The following LGR4 variants were observed in gnomAD, a reference collection of about 807,000 sequenced individuals.
LGR4 encodes leucine-rich repeat-containing G protein-coupled receptor 4.
In LGR4, 44 loss-of-function variants were observed where a neutral mutation model predicts 84.8. The observed-to-expected ratio is 0.52, with a 90% confidence interval of 0.41 to 0.67. LGR4 has a LOEUF of 0.67. LGR4 is among the 30% of genes least tolerant of loss of function. The pLI, the probability that LGR4 is intolerant of heterozygous loss-of-function variation, is 0.00. For missense variants in LGR4, 1,032 were observed against 1,131.4 expected (o/e 0.91, Z 1.26); for synonymous variants, 429 against 434.3 (o/e 0.99, Z 0.15).
intron 2 of LGR4, among the ~76,000 whole-genome samples, chr11:27,402,866 A>G (rs141421689): frequency 6.6e-6 from 1 of 152,148 alleles, no homozygotes; most frequent in East Asian, 1.9e-4. Flanking sequence ...GTACACAGTC[A>G]TCTAGTGATC....
intron 1 of LGR4, among the ~76,000 whole-genome samples, chr11:27,441,446 T>G (rs1864302171): frequency 6.6e-6 from 1 of 151,646 alleles, no homozygotes; most frequent in African/African-American, 2.4e-5. Context: ...TAAATAAGAT[T>G]GATTTCATCA....
chr11:27,407,919 G>C (rs1309185632), intron 2 of LGR4, among the ~76,000 whole-genome samples: 1 of 152,126 alleles, frequency 6.6e-6, no homozygotes, highest in Non-Finnish European at 1.5e-5. Context: ...GAAAGAAAGA[G>C]AGAGAGAAAG....
At position 27,368,024 on chromosome 11, in the gene LGR4, C is replaced by T; in HGVS notation, c.2699G>A (p.Gly900Asp). 1 of 1,380,868 alleles carries T rather than the reference C, an allele frequency of 7.2e-7. No individual in the cohort carries two copies. Among genetic ancestry groups the T allele is most frequent in the South Asian group, 1.1e-5 (1 of 87,224 alleles). The allele number at this position is 1,380,868 out of a possible 1,614,324, so 85.5% of individuals were successfully genotyped here. A position where few individuals can be genotyped will look rare whatever the true frequency, so the allele number is the denominator to read the frequency against. Residue 900 changes from glycine to aspartate, a missense_variant, in exon 18 of 18, where the codon GGC (glycine) becomes GAC (aspartate). Transcript: ENST00000379214. ...ATAATCAGAGTGGGCCGACTGTGTG[C>T]CACAGTCGGACCAGTAGCCCTCAGG... ...QRPEGYWSDC[G>D]TQSAHSDYAD...
Position 27,366,419 on chromosome 11 carries a change from C to T in LGR4, c.*1448G>A, listed in dbSNP as rs945563512. ...GGTAGCTTTAATTAAACGAAATGAACAGAAGCCACATTTCCCAACTTGTGT... is the reference window on the plus strand; with the variant it reads ...GGTAGCTTTAATTAAACGAAATGAATAGAAGCCACATTTCCCAACTTGTGT... On this transcript the variant is annotated 3_prime_UTR_variant, in exon 18 of 18. Transcript: ENST00000379214. The T allele has an allele frequency of 6.6e-6, 1 of 152,478 alleles. No homozygotes were observed. Among genetic ancestry groups the T allele is most frequent in the Non-Finnish European group, 1.5e-5 (1 of 67,956 alleles). The allele number at this position is 152,478 out of a possible 1,614,324, so 9.4% of individuals were successfully genotyped here. A position where few individuals can be genotyped will look rare whatever the true frequency, so the allele number is the denominator to read the frequency against.
intron 1 of LGR4, among the ~76,000 whole-genome samples, chr11:27,468,567 C>A (rs1033725500): frequency 2.6e-5 from 4 of 152,064 alleles, no homozygotes; most frequent in Non-Finnish European, 4.4e-5. Context: ...AGGATCATAA[C>A]CTTATTGTCA....
At chr11:27,428,865 C>T (rs962989281) in intron 1 of LGR4, among the ~76,000 whole-genome samples, 6 of 152,160 alleles carry the variant, frequency 3.9e-5, no homozygotes, top group African/African-American at 1.4e-4. Flanking sequence ...CAGGCATGTA[C>T]CACTGTGTGC....
chr11:27,454,073 A>C (rs1488021356), intron 1 of LGR4, among the ~76,000 whole-genome samples: 3 of 152,228 alleles, frequency 2.0e-5, no homozygotes, highest in Non-Finnish European at 4.4e-5. Flanking sequence ...TGGTCTCCAC[A>C]ATCCCTTATC....
chr11:27,442,143 A>G (rs921285194), intron 1 of LGR4, among the ~76,000 whole-genome samples: 2 of 152,156 alleles, frequency 1.3e-5, no homozygotes, highest in South Asian at 4.1e-4. Context: ...TGAGATGGAG[A>G]AAAGCATATC....
rs1442384003 is a variant in LGR4 at position 27,373,586 on chromosome 11, T to G, written c.1344A>C (p.Lys448Asn). The G allele has an allele frequency of 5.6e-6, 9 of 1,597,606 alleles. No homozygotes were observed. Among genetic ancestry groups the G allele is most frequent in the Non-Finnish European group, 7.7e-6 (9 of 1,170,256 alleles). ...QLKLVGNFKL[K>N]EALAAKDFVN... Reference sequence around the variant, plus strand: ...CAAAGTCTTTTGCTGCTAAGGCTTCTTTCAGCTTGAAGTTGCCCACAAGTT... The same window carrying G: ...CAAAGTCTTTTGCTGCTAAGGCTTCGTTCAGCTTGAAGTTGCCCACAAGTT... The change falls in exon 15 of 18, where the codon AAA becomes AAC. Residue 448 changes from lysine (K) to asparagine (N), a missense_variant. Coordinates refer to ENST00000379214, the MANE Select transcript of LGR4 (RefSeq NM_018490.5).
intron 1 of LGR4, among the ~76,000 whole-genome samples, chr11:27,470,305 T>C (rs1864848100): frequency 6.6e-6 from 1 of 152,018 alleles, no homozygotes; most frequent in Admixed American, 6.6e-5. Context: ...GAGAGAGGAG[T>C]ATGCTCTCAT....
At chr11:27,470,678 T>C (rs1019066715) in intron 1 of LGR4, among the ~76,000 whole-genome samples, 3 of 149,750 alleles carry the variant, frequency 2.0e-5, no homozygotes, top group African/African-American at 7.4e-5. Context: ...AAAGTTAACT[T>C]TTTTTTTTAA....
chr11:27,378,788 A>G lies in LGR4; in HGVS notation c.972-20T>C. ...AAAGTCCTGCGGAAAAACATTATTC[A>G]TGTAAGAAATAATTCAACTCAAGAT... On this transcript the variant is annotated intron_variant, in intron 10 of 17. Transcript: ENST00000379214. The G allele has an allele frequency of 6.4e-7, 1 of 1,568,244 alleles. No homozygotes were observed. The highest frequency in any genetic ancestry group is 2.2e-5 in the East Asian group (1 of 44,606).
At position 27,416,462 on chromosome 11, in the gene LGR4, T is replaced by C. The variant is rs1367737130; in HGVS notation, c.186-3602A>G. Among the ~76,000 whole-genome samples, 3 of 152,200 alleles carry C rather than the reference T, an allele frequency of 2.0e-5. No individual in the cohort carries two copies. In the East Asian group the frequency reaches 5.8e-4, roughly 29 times the overall value. On this transcript the variant is annotated intron_variant, in intron 1 of 17. Transcript: ENST00000379214. ...ACAAGAAAGAGCTGTTATCTTATCA[T>C]CATCCATGTTTTCGCTGCTCCTGGA...
intron 1 of LGR4, among the ~76,000 whole-genome samples, chr11:27,459,838 C>T (rs977328054): frequency 6.6e-6 from 1 of 151,914 alleles, no homozygotes; most frequent in Non-Finnish European, 1.5e-5. Flanking sequence ...TTCCTGTAAT[C>T]CCAGTACTTT....
intron 6 of LGR4, 125 bp from the exon 7 acceptor site, chr11:27,382,381 C>CA: frequency 1.6e-6 from 1 of 624,848 alleles, no homozygotes; most frequent in Non-Finnish European, 2.8e-6. Context: ...CTTTATCAAC[C>CA]ATATCGTCAT....
At chr11:27,398,643 AAT>A (rs2133384282) in intron 2 of LGR4, among the ~76,000 whole-genome samples, 1 of 152,268 alleles carries the variant, frequency 6.6e-6, no homozygotes, top group South Asian at 2.1e-4. Flanking sequence ...GCACACAAAT[AAT>A]AGAGTGCTTT....
rs1554966443 is a variant in LGR4 at position 27,393,943 on chromosome 11, G to GGT, written c.258-1426_258-1425insAC. 2.3e-5 allele frequency among the ~76,000 whole-genome samples: 3 copies of GGT among 128,138 alleles called. 1 individual carries two copies. Among genetic ancestry groups the GGT allele is most frequent in the South Asian group, 3.4e-4 (1 of 2,940 alleles). The allele number at this position is 128,138 out of a possible 152,430, so 84.1% of individuals were successfully genotyped here. A position where few individuals can be genotyped will look rare whatever the true frequency, so the allele number is the denominator to read the frequency against. On this transcript the variant is annotated intron_variant, in intron 2 of 17. Coordinates refer to ENST00000379214, the MANE Select transcript of LGR4 (RefSeq NM_018490.5). ...AGAGGCGATTGCACTGAAGATTGGGGGGGGGGGGGGGCGCGGGAAGGGGAC... is the reference window on the plus strand; with the variant it reads ...AGAGGCGATTGCACTGAAGATTGGGGGTGGGGGGGGGGGCGCGGGAAGGGGAC...
chr11:27,422,333 G>A (rs569016246), intron 1 of LGR4, among the ~76,000 whole-genome samples: 20 of 152,232 alleles, frequency 1.3e-4, no homozygotes, highest in African/African-American at 2.9e-4. Flanking sequence ...TTACTTCACC[G>A]TCCTTGCCTT....
At chr11:27,380,813 C>T in intron 8 of LGR4, 82 bp downstream of exon 8, 3 of 1,169,868 alleles carry the variant, frequency 2.6e-6, no homozygotes, top group Non-Finnish European at 3.8e-6. Flanking sequence ...CCTGACTTCT[C>T]ATTCTTTATC....
Sources: gnomAD v4.1 joint callset for allele counts (sites outside exome capture counted in the v4.1 genomes callset) on GRCh38, gnomAD v4.1.1 for gene constraint, MANE v1.5 for transcripts, NCBI Gene and HGNC (gene_info 2026-07-23, HGNC 2026-07-21) for gene names.